The following NOS1AP variants were observed in gnomAD, a reference collection of about 807,000 sequenced individuals.
The protein encoded by NOS1AP is carboxyl-terminal PDZ ligand of neuronal nitric oxide synthase protein.
Under a neutral mutation model 56.2 loss-of-function variants are expected in NOS1AP, and 21 were observed. That is an observed-to-expected ratio of 0.37 (90% CI 0.26 to 0.54). The LOEUF is 0.54. Ranked by LOEUF, NOS1AP falls within the 20% of genes least tolerant of loss-of-function variation. NOS1AP has a pLI of 0.84. For synonymous variants in NOS1AP, 270 were observed against 274.6 expected (o/e 0.98, Z 0.17); for missense variants, 522 against 657.8 (o/e 0.79, Z 2.26).
chr1:162,072,515 G>A (rs560313712), intron 1 of NOS1AP, among the ~76,000 whole-genome samples: 2 of 152,280 alleles, frequency 1.3e-5, no homozygotes, highest in East Asian at 3.9e-4. Flanking sequence ...GGTTCAAGCT[G>A]TTTTCCCAAT....
chr1:162,317,430 T>A (rs572926664), intron 4 of NOS1AP: 61 of 152,338 alleles, frequency 4.0e-4, no homozygotes, highest in African/African-American at 1.3e-3. Context: ...AAGAATTTTC[T>A]TAGTAAAAGA....
intron 2 of NOS1AP, among the ~76,000 whole-genome samples, chr1:162,160,805 A>G (rs1003817922): frequency 6.6e-6 from 1 of 152,144 alleles, no homozygotes; most frequent in Admixed American, 6.5e-5. Flanking sequence ...TTAATTTCCT[A>G]TGCTGCTGTA....
At chr1:162,221,290 G>C (rs1023214591) in intron 2 of NOS1AP, among the ~76,000 whole-genome samples, 1 of 152,080 alleles carries the variant, frequency 6.6e-6, no homozygotes, top group African/African-American at 2.4e-5. Context: ...CTGACTGCAT[G>C]GTGCTAACCT....
rs1691628192 is a variant in NOS1AP at position 162,070,098 on chromosome 1, CCA to C, written c.-79_-78del. The C allele has an allele frequency of 8.5e-7, 1 of 1,180,550 alleles. No homozygotes were observed. Among genetic ancestry groups the C allele is most frequent in the Non-Finnish European group, 1.3e-6 (1 of 795,042 alleles). 73.1% of individuals were successfully genotyped at this position (1,180,550 alleles called of 1,614,324 possible). On this transcript the variant is annotated 5_prime_UTR_variant, in exon 1 of 10. Transcript: ENST00000361897. ...CCGCCACGCGTCGCCGCGCCCAGCTCCAGTCTCCCCTCCCCGGGGTCTCGCCA... is the reference window on the plus strand; with the variant it reads ...CCGCCACGCGTCGCCGCGCCCAGCTCGTCTCCCCTCCCCGGGGTCTCGCCA...
chr1:162,304,832 T>C (rs369629319), intron 4 of NOS1AP, among the ~76,000 whole-genome samples: 3 of 151,514 alleles, frequency 2.0e-5, no homozygotes, highest in East Asian at 1.9e-4. Context: ...TTTTCTAAAA[T>C]ATATATGGTC....
At chr1:162,316,068 T>C (rs1656218407) in intron 4 of NOS1AP, among the ~76,000 whole-genome samples, 1 of 152,232 alleles carries the variant, frequency 6.6e-6, no homozygotes, top group African/African-American at 2.4e-5. Flanking sequence ...TTAATTACAC[T>C]CATTCTGTAG....
At chr1:162,265,067 C>T (rs1463514951) in intron 2 of NOS1AP, among the ~76,000 whole-genome samples, 5 of 151,684 alleles carry the variant, frequency 3.3e-5, no homozygotes, top group East Asian at 1.9e-4. Context: ...CACCCACCTT[C>T]GCTTCCCAAA....
intron 2 of NOS1AP, among the ~76,000 whole-genome samples, chr1:162,155,172 T>C (rs1649887603): frequency 6.6e-6 from 1 of 151,122 alleles, no homozygotes; most frequent in South Asian, 2.1e-4. Context: ...TGGTTTGAAC[T>C]TCAGTATGAA....
intron 2 of NOS1AP, among the ~76,000 whole-genome samples, chr1:162,221,129 C>T (rs950489280): frequency 5.9e-5 from 9 of 152,104 alleles, no homozygotes; most frequent in Non-Finnish European, 1.3e-4. Flanking sequence ...TTAGTAGAGA[C>T]GGGGTTTCAC....
chr1:162,180,695 G>A (rs995529939), intron 2 of NOS1AP, among the ~76,000 whole-genome samples: 4 of 152,292 alleles, frequency 2.6e-5, no homozygotes, highest in Admixed American at 6.5e-5. Context: ...CCTCAGTCCT[G>A]TAGCTGCCGG....
intron 2 of NOS1AP, among the ~76,000 whole-genome samples, chr1:162,223,181 CT>C (rs1333704156): frequency 6.6e-6 from 1 of 152,118 alleles, no homozygotes; most frequent in Non-Finnish European, 1.5e-5. Flanking sequence ...GAAAAAATAC[CT>C]TCTTTAGAAT....
intron 3 of NOS1AP, among the ~76,000 whole-genome samples, chr1:162,296,009 G>C (rs556565906): frequency 6.6e-6 from 1 of 152,112 alleles, no homozygotes; most frequent in African/African-American, 2.4e-5. Context: ...AACAGTGGCC[G>C]GGTGTGGTGG....
intron 1 of NOS1AP, among the ~76,000 whole-genome samples, chr1:162,146,419 T>C (rs1649467749): frequency 6.6e-6 from 1 of 152,162 alleles, no homozygotes; most frequent in South Asian, 2.1e-4. Flanking sequence ...GGCTGGGGTT[T>C]ACACATGATT....
At chr1:162,083,480 A>G (rs188478448) in intron 1 of NOS1AP, among the ~76,000 whole-genome samples, 26 of 152,258 alleles carry the variant, frequency 1.7e-4, no homozygotes, top group African/African-American at 5.3e-4. Flanking sequence ...GGCTCAAGCA[A>G]TCCTCCTGCC....
intron 1 of NOS1AP, among the ~76,000 whole-genome samples, chr1:162,134,239 C>T (rs890940953): frequency 1.2e-4 from 18 of 151,992 alleles, no homozygotes; most frequent in African/African-American, 4.3e-4. Context: ...ACCTGTAATC[C>T]CAGCACTTTA....
intron 3 of NOS1AP, among the ~76,000 whole-genome samples, chr1:162,288,308 A>G (rs1399845977): frequency 6.6e-6 from 1 of 152,184 alleles, no homozygotes; most frequent in Admixed American, 6.5e-5. Flanking sequence ...GCACCATATC[A>G]TAGTCCTCCA....
At chr1:162,074,302 G>C (rs1209910549) in intron 1 of NOS1AP, among the ~76,000 whole-genome samples, 1 of 152,154 alleles carries the variant, frequency 6.6e-6, no homozygotes, top group Non-Finnish European at 1.5e-5. Context: ...CAGGGCTTTT[G>C]ACTCCAGGTC....
At chr1:162,199,327 C>T (rs1451548000) in intron 2 of NOS1AP, among the ~76,000 whole-genome samples, 5 of 152,116 alleles carry the variant, frequency 3.3e-5, no homozygotes, top group East Asian at 1.9e-4. Context: ...TGCTGCATGC[C>T]GGTTACGTCC....
Position 162,155,440 on chromosome 1 carries a change from C to CAT in NOS1AP, c.177+980_177+981dup, listed in dbSNP as rs141153683. ...TAGAGCCTATATACATACATATATACATATATATATATATATAGAGAGAGA... is the reference window on the plus strand; with the variant it reads ...TAGAGCCTATATACATACATATATACATATATATATATATATATAGAGAGAGA... On this transcript the variant is annotated intron_variant, in intron 2 of 9. Transcript: ENST00000361897. 1.5e-3 allele frequency among the ~76,000 whole-genome samples: 220 copies of CAT among 145,820 alleles called. 1 individual carries two copies. Among genetic ancestry groups the CAT allele is most frequent in the South Asian group, 2.8e-3 (13 of 4,624 alleles).
Sources: allele counts gnomAD v4.1 joint callset (sites outside exome capture counted in the v4.1 genomes callset), GRCh38; gene constraint gnomAD v4.1.1; transcripts MANE v1.5; gene names NCBI Gene and HGNC (gene_info 2026-07-23, HGNC 2026-07-21).